AOC3: variants seen among roughly 807,000 people sequenced by gnomAD.
AOC3 encodes the protein amine oxidase [copper-containing] 3.
In AOC3, 47 loss-of-function variants were observed where a neutral mutation model predicts 55.4. That is an observed-to-expected ratio of 0.85 (90% CI 0.67 to 1.08). AOC3 has a LOEUF of 1.08. Among genes scored for constraint, AOC3 ranks in the 50% least tolerant of loss-of-function variants. AOC3 has a pLI of 0.00. For missense variants in AOC3, 853 were observed against 993.1 expected, an observed-to-expected ratio of 0.86 and a Z score of 1.90; for synonymous variants, 386 against 410.7, an observed-to-expected ratio of 0.94 and a Z score of 0.73.
In AOC3 at chr17:42,857,708, T is replaced by C. The variant is rs888125176; in HGVS notation, c.*1158T>C. Reference sequence around the variant, plus strand: ...ACTGCTGTCCCTCCTGAGGTCTGGATTGGGGATGGGGACAAAGAAATAGCA... The same window carrying C: ...ACTGCTGTCCCTCCTGAGGTCTGGACTGGGGATGGGGACAAAGAAATAGCA... On this transcript the variant is annotated 3_prime_UTR_variant, in exon 4 of 4. Transcript: ENST00000308423. 6.6e-6 allele frequency: 1 copy of C among 152,192 alleles called. No homozygotes were observed. The highest frequency in any genetic ancestry group is 2.4e-5 in the African/African-American group (1 of 41,418). 9.4% of individuals were successfully genotyped at this position (152,192 alleles called of 1,614,324 possible). A position where few individuals can be genotyped will look rare whatever the true frequency, so the allele number is the denominator to read the frequency against.
Position 42,854,644 on chromosome 17 carries a change from C to G in AOC3, c.1797C>G (p.His599Gln). Residue 599 changes from histidine to glutamine, a missense_variant, in exon 2 of 4, where the codon CAC becomes CAG. Coordinates refer to ENST00000308423, the MANE Select transcript of AOC3 (RefSeq NM_003734.4). ...GCAACCACAGCAACAAGTGGGGTCACCCCCGGGGCTACCGCATCCAGATGC... is the reference window on the plus strand; with the variant it reads ...GCAACCACAGCAACAAGTGGGGTCAGCCCCGGGGCTACCGCATCCAGATGC... Reference protein sequence around the residue: ...LASNHSNKWGHPRGYRIQMLS... With the variant: ...LASNHSNKWGQPRGYRIQMLS... The G allele has an allele frequency of 1.3e-6, 2 of 1,563,456 alleles. No individual in the cohort carries two copies. Among genetic ancestry groups the G allele is most frequent in the East Asian group, 2.4e-5 (1 of 42,498 alleles).
In AOC3 at chr17:42,856,714, T is replaced by C. The variant is rs2055755627; in HGVS notation, c.*164T>C. The C allele has an allele frequency of 2.5e-6, 2 of 793,442 alleles. No individual in the cohort carries two copies. Among genetic ancestry groups the C allele is most frequent in the African/African-American group, 3.5e-5 (2 of 57,716 alleles). The allele number at this position is 793,442 out of a possible 1,614,324, so 49.2% of individuals were successfully genotyped here. ...ATCCGCCTCTGAGCCAGGAGCCTCC[T>C]GACCCTGTGATGCCTGACACAGGGG... is the stretch of plus-strand genomic sequence containing the variant. On this transcript the variant is annotated 3_prime_UTR_variant, in exon 4 of 4. Transcript: ENST00000308423.
In AOC3 at chr17:42,851,217, A is replaced by G. The variant is rs2055658109; in HGVS notation, c.-127A>G. On this transcript the variant is annotated 5_prime_UTR_variant, in exon 1 of 4. Transcript: ENST00000308423. ...CACCCTTAGTCCCAGGCATCTGACT[A>G]CCGGGAACCTCAGCCAGAGTCCGGG... 1.0e-5 allele frequency: 11 copies of G among 1,069,898 alleles called. No individual in the cohort carries two copies. In the East Asian group the frequency reaches 2.7e-4, roughly 26 times the overall value. The allele number at this position is 1,069,898 out of a possible 1,614,324, so 66.3% of individuals were successfully genotyped here.
intron 2 of AOC3, among the ~76,000 whole-genome samples, chr17:42,855,194 T>C (rs1400745658): frequency 2.6e-5 from 4 of 152,182 alleles, no homozygotes; most frequent in Admixed American, 6.5e-5. Context: ...CATTTTCCCC[T>C]TGGAGGCTAA....
intron 1 of AOC3, among the ~76,000 whole-genome samples, chr17:42,853,595 T>A (rs1311116983): frequency 6.6e-6 from 1 of 150,640 alleles, no homozygotes; most frequent in Non-Finnish European, 1.5e-5. Context: ...TCACCAGGTG[T>A]TTTTTTTTGG....
Position 42,855,503 on chromosome 17 carries a change from A to G in AOC3, c.1946A>G (p.Asn649Ser), listed in dbSNP as rs745794015. 8.7e-6 allele frequency: 14 copies of G among 1,613,702 alleles called. No homozygotes were observed. Among genetic ancestry groups the G allele is most frequent in the South Asian group, 1.1e-5 (1 of 90,890 alleles). Residue 649 changes from asparagine to serine, a missense_variant, in exon 3 of 4, where the codon AAT (asparagine) becomes AGT (serine). Physicochemically the swap from Asn to Ser is conservative, Grantham distance 46. Coordinates refer to ENST00000308423, the MANE Select transcript of AOC3 (RefSeq NM_003734.4). ...EEEPSSSSVFNQNDPWAPTVD... is the reference protein window; with the variant it reads ...EEEPSSSSVFSQNDPWAPTVD... ...GAGCCCAGTAGCAGCAGCGTTTTCAATCAGAATGACCCTTGGGCCCCCACT... is the reference window on the plus strand; with the variant it reads ...GAGCCCAGTAGCAGCAGCGTTTTCAGTCAGAATGACCCTTGGGCCCCCACT...
intron 1 of AOC3, 43 bp downstream of exon 1, chr17:42,852,986 G>A (rs367769729): frequency 1.0e-5 from 16 of 1,579,606 alleles, no homozygotes; most frequent in African/African-American, 6.7e-5. Flanking sequence ...AAGAAGGGCT[G>A]AAAAGTTGTT....
intron 3 of AOC3, among the ~76,000 whole-genome samples, chr17:42,855,871 C>T (rs1720878071): frequency 6.6e-6 from 1 of 152,188 alleles, no homozygotes; most frequent in Admixed American, 6.5e-5. Flanking sequence ...AATGACATCT[C>T]CTGTATCTGA....
At position 42,851,948 on chromosome 17, in the gene AOC3, A is replaced by G. The variant is rs773059091; in HGVS notation, c.605A>G (p.Lys202Arg). The G allele has an allele frequency of 6.2e-6, 10 of 1,613,616 alleles. No homozygotes were observed. The East Asian group carries it at 1.1e-4, about 18-fold the overall frequency. Reference protein sequence around the residue: ...SGLLHHCCFYKHRGRNLVTMT... With the variant: ...SGLLHHCCFYRHRGRNLVTMT... ...CTTCTCCACCACTGTTGCTTCTACA[A>G]GCACCGGGGACGGAACCTGGTGACA... The change falls in exon 1 of 4, where the codon AAG (lysine) becomes AGG (arginine). Residue 202 changes from lysine (K) to arginine (R), a missense_variant. Coordinates refer to ENST00000308423, the MANE Select transcript of AOC3 (RefSeq NM_003734.4).
chr17:42,854,609 T>G lies in AOC3; in HGVS notation c.1762T>G (p.Tyr588Asp). 1 of 1,600,414 alleles carries G rather than the reference T, an allele frequency of 6.2e-7. No homozygotes were observed. The highest frequency in any genetic ancestry group is 2.3e-5 in the East Asian group (1 of 44,112). ...GGGAAGCGCCACCCCTCGCTACCTG[T>G]ACCTGGCCAGCAACCACAGCAACAA... is the stretch of plus-strand genomic sequence containing the variant. ...LVGSATPRYL[Y>D]LASNHSNKWG... The change falls in exon 2 of 4, where the codon TAC becomes GAC. Residue 588 changes from tyrosine (Y) to aspartate (D), a missense_variant. Coordinates refer to ENST00000308423, the MANE Select transcript of AOC3 (RefSeq NM_003734.4).
chr17:42,852,096 C>T lies in AOC3; in HGVS notation c.753C>T (p.His251=), dbSNP rs745589105. 3 of 1,613,684 alleles carry T rather than the reference C, an allele frequency of 1.9e-6. No homozygotes were observed. Among genetic ancestry groups the T allele is most frequent in the Non-Finnish European group, 1.7e-6 (2 of 1,179,752 alleles). The change falls in exon 1 of 4, where the codon CAC becomes CAT. Residue 251 remains histidine (H), a synonymous_variant. Coordinates refer to ENST00000308423, the MANE Select transcript of AOC3 (RefSeq NM_003734.4). ...HHVGLELLVN[H]KALDPARWTI... is the part of the protein sequence containing the mutation. ...TGGGCTTGGAGCTGCTAGTGAACCA[C>T]AAGGCCCTTGACCCTGCCCGCTGGA...
At position 42,851,612 on chromosome 17, in the gene AOC3, G is replaced by A. The variant is rs397861; in HGVS notation, c.269G>A (p.Arg90Gln). The A allele has an allele frequency of 1.9e-4, 304 of 1,611,744 alleles. 2 individuals are homozygous for A. The highest frequency in any genetic ancestry group is 7.7e-4 in the Admixed American group (46 of 59,986). Residue 90 changes from arginine (R) to glutamine (Q), a missense_variant, in exon 1 of 4, where the codon CGG becomes CAG. Arg to Gln is a conservative substitution (Grantham distance 43). Coordinates refer to ENST00000308423, the MANE Select transcript of AOC3 (RefSeq NM_003734.4). The stretch of plus-strand genomic sequence containing the variant: ...GGGCTGGTGGATGCAGCCCAGGCCC[G>A]GCCCTCGGACAACTGTGTCTTCTCA... ...GPGLVDAAQA[R>Q]PSDNCVFSVE... is the part of the protein sequence containing the mutation.
rs397834093 is a variant in AOC3, at chr17:42,852,285, A to G, written c.942A>G (p.Leu314=). ...SPVPPGPAPP[L]QFYPQGPRFS... Reference sequence around the variant, plus strand: ...TGCCCCCGGGTCCAGCTCCCCCTCTACAGTTCTATCCCCAAGGCCCCCGCT... The same window carrying G: ...TGCCCCCGGGTCCAGCTCCCCCTCTGCAGTTCTATCCCCAAGGCCCCCGCT... Residue 314 remains leucine, a synonymous_variant, in exon 1 of 4, where the codon CTA becomes CTG. Coordinates refer to ENST00000308423, the MANE Select transcript of AOC3 (RefSeq NM_003734.4). 131 of 1,613,616 alleles carry G rather than the reference A, an allele frequency of 8.1e-5. No homozygotes were observed. The East Asian group carries it at 1.5e-3, about 19-fold the overall frequency.
In AOC3 at chr17:42,852,491, G is replaced by A. The variant is rs772874173; in HGVS notation, c.1148G>A (p.Arg383His). Residue 383 changes from arginine (R) to histidine (H), a missense_variant, in exon 1 of 4, where the codon CGC becomes CAC. Physicochemically the swap from Arg to His is conservative, Grantham distance 29 (BLOSUM62 0). Coordinates refer to ENST00000308423, the MANE Select transcript of AOC3 (RefSeq NM_003734.4). ...GGNSPAAMTT[R>H]YVDGGFGMGK... ...AATTCCCCAGCAGCAATGACGACCCGCTATGTGGATGGAGGCTTTGGCATG... is the reference window on the plus strand; with the variant it reads ...AATTCCCCAGCAGCAATGACGACCCACTATGTGGATGGAGGCTTTGGCATG... 33 of 1,614,092 alleles carry A rather than the reference G, an allele frequency of 2.0e-5. No individual in the cohort carries two copies. Among genetic ancestry groups the A allele is most frequent in the Admixed American group, 1.0e-4 (6 of 60,014 alleles).
In AOC3 at chr17:42,852,925, G is replaced by A; in HGVS notation, c.1582G>A (p.Val528Met). Residue 528 changes from valine (V) to methionine (M), a missense_variant, in exon 1 of 4, where the codon GTG (valine) becomes ATG (methionine). By Grantham distance (21) the Val-to-Met change is conservative. Transcript: ENST00000308423. ...TVHTHSAHFK[V>M]DLDVAGLENW... ...CCACACCCACAGCGCCCACTTCAAG[G>A]TGGATCTGGATGTAGCAGGTAAGAC... The A allele has an allele frequency of 6.2e-6, 10 of 1,604,870 alleles. No homozygotes were observed. The highest frequency in any genetic ancestry group is 8.5e-6 in the Non-Finnish European group (10 of 1,172,210).
Position 42,856,738 on chromosome 17 carries a change from G to A in AOC3, c.*188G>A, listed in dbSNP as rs1216730013. ...CTGACCCTGTGATGCCTGACACAGG[G>A]GACACTGAACCTTGTTGATGCCAGC... On this transcript the variant is annotated 3_prime_UTR_variant, in exon 4 of 4. Transcript: ENST00000308423. The A allele has an allele frequency of 1.0e-5, 7 of 676,932 alleles. No homozygotes were observed. The highest frequency in any genetic ancestry group is 5.8e-5 in the South Asian group (3 of 51,590). The allele number at this position is 676,932 out of a possible 1,614,324, so 41.9% of individuals were successfully genotyped here. A position where few individuals can be genotyped will look rare whatever the true frequency, so the allele number is the denominator to read the frequency against.
intron 3 of AOC3, 43 bp downstream of exon 3, chr17:42,855,616 C>T (rs1296269411): frequency 6.2e-7 from 1 of 1,612,678 alleles, no homozygotes; most frequent in Non-Finnish European, 8.5e-7. Flanking sequence ...GCCTTGCTTT[C>T]TCTTGGGAGG....
At chr17:42,854,994 A>ATG (rs2055729839) in intron 2 of AOC3, among the ~76,000 whole-genome samples, 1 of 151,660 alleles carries the variant, frequency 6.6e-6, no homozygotes, top group Admixed American at 6.6e-5. Context: ...TTACAGGTGC[A>ATG]CGCCACCACA....
chr17:42,851,309 C>T lies in AOC3; in HGVS notation c.-35C>T, dbSNP rs2055660017. On this transcript the variant is annotated 5_prime_UTR_variant, in exon 1 of 4. Transcript: ENST00000308423. ...GCTGGCGTGAGAATACATTGCTCTC[C>T]TTTGGTTGAATCAGCTGTCCCTCTT... 2 of 1,564,694 alleles carry T rather than the reference C, an allele frequency of 1.3e-6. No individual in the cohort carries two copies. Among genetic ancestry groups the T allele is most frequent in the Non-Finnish European group, 1.7e-6 (2 of 1,153,224 alleles).
Sources: allele counts gnomAD v4.1 joint callset (sites outside exome capture counted in the v4.1 genomes callset), GRCh38; gene constraint gnomAD v4.1.1; transcripts MANE v1.5; gene names NCBI Gene and HGNC (gene_info 2026-07-23, HGNC 2026-07-21).